The following PRKG1 variants were observed in gnomAD, a reference collection of about 807,000 sequenced individuals.
PRKG1 encodes the protein cGMP-dependent protein kinase 1.
Under a neutral mutation model 88.1 loss-of-function variants are expected in PRKG1, and 35 were observed. The observed-to-expected ratio is 0.40, with a 90% CI of 0.30 to 0.53. The LOEUF (loss-of-function observed/expected upper bound fraction) is 0.53. Among genes scored for constraint, PRKG1 ranks in the 20% least tolerant of loss-of-function variants. The pLI is 0.59. For synonymous variants in PRKG1, 303 were observed against 292.5 expected, an observed-to-expected ratio of 1.04 and a Z score of -0.37; for missense variants, 540 against 839.8, an observed-to-expected ratio of 0.64 and a Z score of 4.41.
At chr10:51,995,230 G>A (rs1486165351) in intron 5 of PRKG1, among the ~76,000 whole-genome samples, 1 of 151,780 alleles carries the variant, frequency 6.6e-6, no homozygotes, top group Non-Finnish European at 1.5e-5. Context: ...TCAACAAAAA[G>A]CTATGGTTAA....
chr10:51,243,079 G>A (rs1047132655), intron 2 of PRKG1, among the ~76,000 whole-genome samples: 7 of 152,102 alleles, frequency 4.6e-5, no homozygotes, highest in Non-Finnish European at 8.8e-5. Flanking sequence ...ACTTGGAAAT[G>A]CCCCTTAATT....
intron 12 of PRKG1, among the ~76,000 whole-genome samples, chr10:52,276,145 CT>C (rs1841867696): frequency 6.6e-6 from 1 of 152,144 alleles, no homozygotes; most frequent in African/African-American, 2.4e-5. Flanking sequence ...GACAGTTTGA[CT>C]TCCCCTTTAC....
In PRKG1 at chr10:51,743,690, T is replaced by TAAA. The variant is rs1229181162; in HGVS notation, c.593-60895_593-60894insAAA. 7.6e-4 allele frequency among the ~76,000 whole-genome samples: 95 copies of TAAA among 124,506 alleles called. 1 individual carries two copies. The highest frequency in any genetic ancestry group is 2.9e-3 in the African/African-American group (92 of 32,202). The allele number at this position is 124,506 out of a possible 152,430, so 81.7% of individuals were successfully genotyped here. A position where few individuals can be genotyped will look rare whatever the true frequency, so the allele number is the denominator to read the frequency against. ...TATATATTTATATATATATAATTTATTATATATATAATATAAACTAAATAT... is the reference window on the plus strand; with the variant it reads ...TATATATTTATATATATATAATTTATAAATATATATATAATATAAACTAAATAT... On this transcript the variant is annotated intron_variant, in intron 3 of 17. Coordinates refer to ENST00000373980, the MANE Select transcript of PRKG1 (RefSeq NM_006258.4).
At chr10:52,178,917 T>A (rs990882492) in intron 9 of PRKG1, among the ~76,000 whole-genome samples, 7 of 151,894 alleles carry the variant, frequency 4.6e-5, no homozygotes, top group African/African-American at 1.7e-4. Flanking sequence ...GTAGCCAGCA[T>A]ATGGTTGGGT....
chr10:51,041,691 C>A (rs1042231334), intron 1 of PRKG1, among the ~76,000 whole-genome samples: 3 of 152,126 alleles, frequency 2.0e-5, no homozygotes, highest in Admixed American at 6.6e-5. Context: ...CAGCTCGTAT[C>A]CAAGTTGCAA....
chr10:52,150,611 C>T (rs1393478062), intron 8 of PRKG1, among the ~76,000 whole-genome samples: 1 of 152,054 alleles, frequency 6.6e-6, no homozygotes, highest in African/African-American at 2.4e-5. Flanking sequence ...ATGTATTTCC[C>T]TTTCTAATCA....
At chr10:51,457,963 T>C (rs1006057162) in intron 2 of PRKG1, among the ~76,000 whole-genome samples, 6 of 152,194 alleles carry the variant, frequency 3.9e-5, no homozygotes, top group African/African-American at 1.4e-4. Flanking sequence ...ATTTGTATAA[T>C]TGCTTTTGAG....
chr10:51,525,203 GAGAAGAAAGGGAAGGAAAGAAA>G (rs1361785094), intron 3 of PRKG1, among the ~76,000 whole-genome samples: 63 of 149,224 alleles, frequency 4.2e-4, no homozygotes, highest in African/African-American at 1.3e-3. Context: ...GGAGGAGGAA[GAGAAGAAAGGGAAGGAAAGAAA>G]AGAAGAAAGG....
At chr10:51,031,365 C>A (rs1202533996) in intron 1 of PRKG1, among the ~76,000 whole-genome samples, 3 of 152,112 alleles carry the variant, frequency 2.0e-5, no homozygotes, top group Non-Finnish European at 4.4e-5. Flanking sequence ...GGAGGACAAG[C>A]CACTTTTCAT....
At chr10:51,205,372 A>G (rs1330041417) in intron 2 of PRKG1, among the ~76,000 whole-genome samples, 1 of 150,234 alleles carries the variant, frequency 6.7e-6, no homozygotes, top group East Asian at 2.0e-4. Context: ...CCTGACCTCC[A>G]GTGATCTGTC....
intron 3 of PRKG1, among the ~76,000 whole-genome samples, chr10:51,531,801 T>A: frequency 6.6e-6 from 1 of 151,752 alleles, no homozygotes; most frequent in South Asian, 2.1e-4. Flanking sequence ...CCCGACACTG[T>A]GCCCGGCTAA....
chr10:51,341,470 A>G (rs900158330), intron 2 of PRKG1, among the ~76,000 whole-genome samples: 1 of 152,178 alleles, frequency 6.6e-6, no homozygotes, highest in Admixed American at 6.6e-5. Flanking sequence ...TGCTCTGCTT[A>G]CGTTTGATAC....
At chr10:51,185,193 T>C (rs1417143642) in intron 2 of PRKG1, among the ~76,000 whole-genome samples, 1 of 152,126 alleles carries the variant, frequency 6.6e-6, no homozygotes, top group Non-Finnish European at 1.5e-5. Context: ...TTTTATCATC[T>C]GTAAAATGGG....
intron 5 of PRKG1, among the ~76,000 whole-genome samples, chr10:51,970,053 C>T (rs1240374721): frequency 7.3e-6 from 1 of 136,596 alleles, no homozygotes; most frequent in Non-Finnish European, 1.6e-5. Context: ...CACACACACC[C>T]ATATTTATTT....
At chr10:51,018,771 A>T (rs1439941839) in intron 1 of PRKG1, among the ~76,000 whole-genome samples, 1 of 152,234 alleles carries the variant, frequency 6.6e-6, no homozygotes, top group Non-Finnish European at 1.5e-5. Flanking sequence ...AAGTGTCAAT[A>T]TTTAAAAATT....
chr10:51,699,085 G>A (rs778132324), intron 3 of PRKG1: 3 of 1,614,178 alleles, frequency 1.9e-6, no homozygotes, highest in East Asian at 4.5e-5. Context: ...GAGCTTCCTG[G>A]TGGCTGTTTT....
At chr10:51,864,717 A>G (rs892750441) in intron 4 of PRKG1, among the ~76,000 whole-genome samples, 1 of 152,196 alleles carries the variant, frequency 6.6e-6, no homozygotes, top group Non-Finnish European at 1.5e-5. Context: ...TCTAGCAACA[A>G]TATGTTTCAG....
rs16916524 is a variant in PRKG1 at position 51,305,979 on chromosome 10, G to A, written c.478+152649G>A. On this transcript the variant is annotated intron_variant, in intron 2 of 17. Transcript: ENST00000373980. The stretch of plus-strand genomic sequence containing the variant: ...CATCACTTCTTGGAGGCAGTCCTGA[G>A]TAGATGCAATAGACACTAAGGCAAA... Among the ~76,000 whole-genome samples the A allele has an allele frequency of 7.4e-3, 1,124 of 152,244 alleles. 38 individuals carry two copies. The East Asian group carries it at 0.099, about 13-fold the overall frequency.
intron 5 of PRKG1, among the ~76,000 whole-genome samples, chr10:51,936,483 G>A (rs1016551129): frequency 7.9e-5 from 12 of 151,790 alleles, no homozygotes; most frequent in African/African-American, 1.9e-4. Context: ...TTAAATTTTC[G>A]ACAAGGGGCT....
Sources: allele counts gnomAD v4.1 joint callset (sites outside exome capture counted in the v4.1 genomes callset), GRCh38; gene constraint gnomAD v4.1.1; transcripts MANE v1.5; gene names NCBI Gene and HGNC (gene_info 2026-07-23, HGNC 2026-07-21).